The following ANKRD28 variants were observed in gnomAD, a reference collection of about 807,000 sequenced individuals.
ANKRD28 encodes serine/threonine-protein phosphatase 6 regulatory ankyrin repeat subunit A.
ANKRD28 carries 44 observed loss-of-function variants against 126.5 expected under a neutral mutation model. The ratio of observed to expected loss-of-function variants is 0.35; its 90% CI spans 0.27 to 0.45. The LOEUF is 0.45. Among genes scored for constraint, ANKRD28 ranks in the 20% least tolerant of loss-of-function variants. The pLI, the probability that ANKRD28 is intolerant of heterozygous loss-of-function variation, is 1.00. For synonymous variants in ANKRD28, 442 were observed against 468.5 expected (o/e 0.94, Z 0.73); for missense variants, 1,110 against 1,316.6 (o/e 0.84, Z 2.43).
rs2061174559 is a variant in ANKRD28, at chr3:15,830,911, A to G, written c.27+28466T>C. Among the ~76,000 whole-genome samples the G allele has an allele frequency of 6.6e-6, 1 of 152,056 alleles. No homozygotes were observed. Among genetic ancestry groups the G allele is most frequent in the Non-Finnish European group, 1.5e-5 (1 of 67,998 alleles). On this transcript the variant is annotated intron_variant, in intron 1 of 27. Transcript: ENST00000399451. The surrounding 1 kb of genome is among the most constrained non-coding windows in gnomAD (Gnocchi z 4.5). ...CCATACCTATGTGACTGACTTCTCA[A>G]TAAAAACTCTGGACAGCAAACCTCA... is the stretch of plus-strand genomic sequence containing the variant.
Position 15,696,118 on chromosome 3 carries a change from A to G in ANKRD28, c.1659+16T>C. ...AAACTCCCATTAGGTCTTTCACAAG[A>G]ATTCAGGAATCTTACCAGCTGAAGA... On this transcript the variant is annotated intron_variant, in intron 15 of 27. Transcript: ENST00000683139. 6.6e-7 allele frequency: 1 copy of G among 1,515,014 alleles called. No individual in the cohort carries two copies. Among genetic ancestry groups the G allele is most frequent in the Non-Finnish European group, 9.0e-7 (1 of 1,107,244 alleles). 93.8% of individuals were successfully genotyped at this position (1,515,014 alleles called of 1,614,324 possible). A position where few individuals can be genotyped will look rare whatever the true frequency, so the allele number is the denominator to read the frequency against.
chr3:15,810,266 T>C (rs2060684646), intron 1 of ANKRD28, among the ~76,000 whole-genome samples: 2 of 151,730 alleles, frequency 1.3e-5, no homozygotes, highest in Admixed American at 6.6e-5. Context: ...GGACAACTTC[T>C]CTGGGAGAAA....
intron 4 of ANKRD28, among the ~76,000 whole-genome samples, chr3:15,747,191 CA>C (rs1360052934): frequency 7.0e-6 from 1 of 142,532 alleles, no homozygotes; most frequent in African/African-American, 2.6e-5. Context: ...GTTTCAATTT[CA>C]TTTAGTTCTG....
rs1021389267 is a variant in ANKRD28, at chr3:15,667,418, C to T, written c.*2852G>A. ...ACCCAAAGTAGTTCTAGAGCAGAAGCTGGTATTATAATACACATCAGATAT... is the reference window on the plus strand; with the variant it reads ...ACCCAAAGTAGTTCTAGAGCAGAAGTTGGTATTATAATACACATCAGATAT... On this transcript the variant is annotated 3_prime_UTR_variant, in exon 28 of 28. Coordinates refer to ENST00000683139, the MANE Select transcript of ANKRD28 (RefSeq NM_001349278.2). 1 of 152,164 alleles carries T rather than the reference C, an allele frequency of 6.6e-6. No individual in the cohort carries two copies. Among genetic ancestry groups the T allele is most frequent in the Non-Finnish European group, 1.5e-5 (1 of 68,036 alleles). The allele number at this position is 152,164 out of a possible 1,614,324, so 9.4% of individuals were successfully genotyped here.
intron 4 of ANKRD28, among the ~76,000 whole-genome samples, chr3:15,747,044 T>C (rs1349470760): frequency 6.6e-6 from 1 of 152,198 alleles, no homozygotes; most frequent in Non-Finnish European, 1.5e-5. Context: ...ATTTGTAATA[T>C]CTCCCATTTC....
intron 3 of ANKRD28, among the ~76,000 whole-genome samples, chr3:15,753,799 C>G (rs1168274321): frequency 2.0e-5 from 3 of 152,028 alleles, no homozygotes; most frequent in Non-Finnish European, 2.9e-5. Flanking sequence ...AAAAATTAGC[C>G]AGATGTGGTG....
At chr3:15,696,377 C>A (rs1020382428) in intron 14 of ANKRD28, 132 bp from the exon 15 acceptor site, 1 of 554,744 alleles carries the variant, frequency 1.8e-6, no homozygotes, top group African/African-American at 1.9e-5. Context: ...ATGTATTACA[C>A]TATAAAAATG....
intron 1 of ANKRD28, among the ~76,000 whole-genome samples, chr3:15,855,094 C>T (rs1246891520): frequency 4.6e-5 from 7 of 152,218 alleles, no homozygotes; most frequent in Admixed American, 3.9e-4. Context: ...ACACCTCCTA[C>T]ATAGAGTACC....
chr3:15,765,868 A>G (rs1429156692), intron 3 of ANKRD28, among the ~76,000 whole-genome samples: 1 of 149,348 alleles, frequency 6.7e-6, no homozygotes, highest in Non-Finnish European at 1.5e-5. Context: ...AAAAAAACCA[A>G]CCAAAAAAAC....
chr3:15,844,633 T>C (rs1384179840), intron 1 of ANKRD28, among the ~76,000 whole-genome samples: 3 of 151,786 alleles, frequency 2.0e-5, no homozygotes, highest in South Asian at 2.1e-4. Context: ...AGCGATACTT[T>C]AATAGTTAAA....
intron 2 of ANKRD28, among the ~76,000 whole-genome samples, chr3:15,787,773 C>G (rs2059845117): frequency 6.6e-6 from 1 of 152,134 alleles, no homozygotes; most frequent in African/African-American, 2.4e-5. Flanking sequence ...TAGACTGCTT[C>G]TTGCTAATTT....
chr3:15,859,251 G>A (rs2061850913), intron 1 of ANKRD28: 3 of 1,389,056 alleles, frequency 2.2e-6, no homozygotes, highest in Non-Finnish European at 2.9e-6. Context: ...AGGTCCCCGG[G>A]GCAGGACCCC....
chr3:15,672,783 G>A (rs1235807805), intron 27 of ANKRD28, among the ~76,000 whole-genome samples: 1 of 151,962 alleles, frequency 6.6e-6, no homozygotes, highest in Non-Finnish European at 1.5e-5. Context: ...TCTGCATGGG[G>A]GTTATTTTTT....
chr3:15,850,190 TAAA>T (rs1238069051), intron 1 of ANKRD28, among the ~76,000 whole-genome samples: 217 of 31,890 alleles, frequency 6.8e-3, no homozygotes, highest in East Asian at 0.032. Flanking sequence ...CTACATGCAA[TAAA>T]AAAAAAAAAA....
intron 1 of ANKRD28, among the ~76,000 whole-genome samples, chr3:15,831,811 T>A (rs1324095196): frequency 6.6e-6 from 1 of 152,118 alleles, no homozygotes; most frequent in Non-Finnish European, 1.5e-5. Flanking sequence ...GGGAACTCAG[T>A]CAGATTACCA....
At chr3:15,733,850 T>C (rs1400246381) in intron 6 of ANKRD28, among the ~76,000 whole-genome samples, 1 of 152,256 alleles carries the variant, frequency 6.6e-6, no homozygotes, top group Non-Finnish European at 1.5e-5. Context: ...AAAAGGATTC[T>C]ACTGCTTTTG....
At chr3:15,674,174 C>CA (rs34806568) in intron 27 of ANKRD28, among the ~76,000 whole-genome samples, 5,376 of 40,116 alleles carry the variant, frequency 0.13, 861 homozygotes, top group Middle Eastern at 0.21. Flanking sequence ...CCTGCCTCTT[C>CA]AAAAAAAAAA....
Position 15,668,487 on chromosome 3 carries a change from A to C in ANKRD28, c.*1783T>G, listed in dbSNP as rs1000646558. 5 of 152,554 alleles carry C rather than the reference A, an allele frequency of 3.3e-5. No individual in the cohort carries two copies. The highest frequency in any genetic ancestry group is 1.2e-4 in the African/African-American group (5 of 41,504). 9.5% of individuals were successfully genotyped at this position (152,554 alleles called of 1,614,324 possible). On this transcript the variant is annotated 3_prime_UTR_variant, in exon 28 of 28. Coordinates refer to ENST00000683139, the MANE Select transcript of ANKRD28 (RefSeq NM_001349278.2). ...TTATATTATAAAGAAAAGATGGGGG[A>C]TTAGATTTATAATTTCTGTAAATAT...
At chr3:15,676,712 C>T in intron 26 of ANKRD28, 4 of 307,666 alleles carry the variant, frequency 1.3e-5, no homozygotes, top group East Asian at 1.4e-4. Context: ...TACTACTTTC[C>T]TTCAGAAAAT....
Sources: gnomAD v4.1 joint callset for allele counts (sites outside exome capture counted in the v4.1 genomes callset) on GRCh38, gnomAD v4.1.1 for gene constraint, Gnocchi (gnomAD v3.1) non-coding constraint, MANE v1.5 for transcripts, NCBI Gene and HGNC (gene_info 2026-07-23, HGNC 2026-07-21) for gene names.